ODAD3: variants seen among roughly 807,000 people sequenced by gnomAD.
ODAD3 encodes outer dynein arm-docking complex subunit 3.
ODAD3 carries 57 observed loss-of-function variants against 70.9 expected under a neutral mutation model. That is an observed-to-expected ratio of 0.80 (90% CI 0.65 to 1.00). The LOEUF (loss-of-function observed/expected upper bound fraction) is 1.00, where lower values mean the gene tolerates loss of function less well. ODAD3 is among the 50% of genes least tolerant of loss of function. ODAD3 has a pLI of 0.00. For missense variants in ODAD3, 797 were observed against 763.9 expected (o/e 1.04, Z -0.51); for synonymous variants, 327 against 315.9 (o/e 1.04, Z -0.37).
intron 3 of ODAD3, 151 bp from the exon 4 acceptor site, chr19:11,427,191 T>G: frequency 1.2e-6 from 1 of 827,088 alleles, no homozygotes. Context: ...TTCTGTGTTG[T>G]TTTTGTAGAG....
At chr19:11,423,306 G>A (rs1969185822) in intron 8 of ODAD3, among the ~76,000 whole-genome samples, 1 of 152,206 alleles carries the variant, frequency 6.6e-6, no homozygotes, top group African/African-American at 2.4e-5. Flanking sequence ...TGGGAGTCCC[G>A]GAAGTCATCA....
intron 3 of ODAD3, 31 bp from the exon 4 acceptor site, chr19:11,427,071 C>A: frequency 6.5e-7 from 1 of 1,532,750 alleles, no homozygotes; most frequent in Non-Finnish European, 8.7e-7. Flanking sequence ...AAAGCAGGAG[C>A]CTCAACACCC....
At chr19:11,425,192 C>CATATGTGTATGTGTACATATGTGTAT (rs1969285068) in intron 7 of ODAD3, among the ~76,000 whole-genome samples, 1 of 102,670 alleles carries the variant, frequency 9.7e-6, no homozygotes, top group African/African-American at 5.3e-5. Context: ...TGTATATATA[C>CATATGTGTATGTGTACATATGTGTAT]ATATGTGTAT....
At chr19:11,435,154 T>C, upstream of ODAD3, 1 of 1,438,760 alleles carries the variant, frequency 7.0e-7, no homozygotes, top group Non-Finnish European at 9.1e-7. Context: ...GCGCTCCGCA[T>C]CTCTCGGTTG....
In ODAD3 at chr19:11,420,670, T is replaced by C. The variant is rs1969108557; in HGVS notation, c.*165A>G. On this transcript the variant is annotated 3_prime_UTR_variant, in exon 13 of 13. Coordinates refer to ENST00000356392, the MANE Select transcript of ODAD3 (RefSeq NM_145045.5). ...CGGACCCAGCTGGGGAGATTTACTG[T>C]GGGAACGTCTGGCCCGGCCCCTTCC... 8.1e-6 allele frequency: 5 copies of C among 614,844 alleles called. No homozygotes were observed. Among genetic ancestry groups the C allele is most frequent in the South Asian group, 3.9e-5 (2 of 51,656 alleles). The allele number at this position is 614,844 out of a possible 1,614,324, so 38.1% of individuals were successfully genotyped here. A position where few individuals can be genotyped will look rare whatever the true frequency, so the allele number is the denominator to read the frequency against.
At chr19:11,428,813 T>C (rs1969440011) in intron 3 of ODAD3, among the ~76,000 whole-genome samples, 1 of 152,180 alleles carries the variant, frequency 6.6e-6, no homozygotes, top group South Asian at 2.1e-4. Context: ...CCTCCCAAAG[T>C]GCTGGTATTA....
intron 1 of ODAD3, among the ~76,000 whole-genome samples, chr19:11,431,549 G>A (rs910430583): frequency 6.6e-6 from 1 of 151,762 alleles, no homozygotes; most frequent in Non-Finnish European, 1.5e-5. Context: ...CTTGCACTTT[G>A]GGAGGTAGAG....
chr19:11,422,410 C>T lies in ODAD3; in HGVS notation c.1434+61G>A, dbSNP rs1969159302. The T allele has an allele frequency of 1.4e-6, 2 of 1,464,858 alleles. No individual in the cohort carries two copies. The highest frequency in any genetic ancestry group is 2.8e-5 in the African/African-American group (2 of 70,970). 90.7% of individuals were successfully genotyped at this position (1,464,858 alleles called of 1,614,324 possible). ...AGCTGGTGTGGCAGGAACCCCGCTT[C>T]GTGGCTGCGCCTCTGCGGTCCCAGG... On this transcript the variant is annotated intron_variant, in intron 10 of 12. Coordinates refer to ENST00000356392, the MANE Select transcript of ODAD3 (RefSeq NM_145045.5). The surrounding 1 kb of genome is among the most constrained non-coding windows in gnomAD (Gnocchi z 4.6).
chr19:11,426,350 G>A, intron 6 of ODAD3, 84 bp from the exon 7 acceptor site: 1 of 1,606,870 alleles, frequency 6.2e-7, no homozygotes, highest in Non-Finnish European at 8.5e-7. Context: ...ATGGGGGCGG[G>A]GGCGTAGGGG....
chr19:11,431,207 G>C (rs751319729), intron 1 of ODAD3, 187 bp from the exon 2 acceptor site: 6 of 649,618 alleles, frequency 9.2e-6, no homozygotes, highest in Non-Finnish European at 1.5e-5. Flanking sequence ...CGCCTCCCGG[G>C]TTCAAGAGAT....
At chr19:11,427,486 T>C (rs1294779550) in intron 3 of ODAD3, among the ~76,000 whole-genome samples, 5 of 142,566 alleles carry the variant, frequency 3.5e-5, no homozygotes, top group Non-Finnish European at 7.7e-5. Context: ...TTCTTTTCTT[T>C]TTTTTTTTTT....
chr19:11,433,183 G>A (rs935479814), intron 1 of ODAD3, among the ~76,000 whole-genome samples: 5 of 152,164 alleles, frequency 3.3e-5, no homozygotes, highest in Non-Finnish European at 5.9e-5. Context: ...CAACTGGGCC[G>A]AATAATTATT....
chr19:11,432,465 C>T (rs1014189242), intron 1 of ODAD3, among the ~76,000 whole-genome samples: 1 of 152,056 alleles, frequency 6.6e-6, no homozygotes, highest in Non-Finnish European at 1.5e-5. Context: ...AGGCTGGTCT[C>T]GAACTCCTGG....
At chr19:11,435,507 G>T, upstream of ODAD3, 1 of 428,228 alleles carries the variant, frequency 2.3e-6, no homozygotes, top group Non-Finnish European at 4.4e-6. Context: ...TCACAGTCCT[G>T]CCCAAGATGG....
chr19:11,425,287 A>ATATGTGTATATATGTG lies in ODAD3; in HGVS notation c.963+841_963+856dup, dbSNP rs1349024306. Among the ~76,000 whole-genome samples the ATATGTGTATATATGTG allele has an allele frequency of 5.7e-5, 8 of 139,696 alleles. 1 individual carries two copies. The highest frequency in any genetic ancestry group is 8.9e-5 in the African/African-American group (3 of 33,872). The allele number at this position is 139,696 out of a possible 152,430, so 91.6% of individuals were successfully genotyped here. A position where few individuals can be genotyped will look rare whatever the true frequency, so the allele number is the denominator to read the frequency against. ...TATGTGTATATGTGTGTATATGTAC[A>ATATGTGTATATATGTG]TATGTGTATATATGTGTATGTGTAC... On this transcript the variant is annotated intron_variant, in intron 7 of 12. Transcript: ENST00000356392.
chr19:11,429,712 G>A (rs1969463123), intron 3 of ODAD3, among the ~76,000 whole-genome samples: 1 of 147,570 alleles, frequency 6.8e-6, no homozygotes, highest in East Asian at 2.0e-4. Context: ...CCGGCCTTTT[G>A]TATTTTTAGT....
At chr19:11,432,347 C>T (rs541868466) in intron 1 of ODAD3, among the ~76,000 whole-genome samples, 43 of 152,294 alleles carry the variant, frequency 2.8e-4, no homozygotes, top group Non-Finnish European at 5.3e-4. Flanking sequence ...CTCCTGAGCT[C>T]AAGCAGTCCT....
Position 11,430,885 on chromosome 19 carries a change from C to T in ODAD3, c.366+14G>A, listed in dbSNP as rs1455200663. ...CCGCCACGGGAACCCTACACCCACC[C>T]CTTTGCCCCTTACCTTGAGCAGGTC... On this transcript the variant is annotated intron_variant, in intron 2 of 12. Transcript: ENST00000356392. 2 of 1,613,896 alleles carry T rather than the reference C, an allele frequency of 1.2e-6. No homozygotes were observed. Among genetic ancestry groups the T allele is most frequent in the African/African-American group, 1.3e-5 (1 of 74,892 alleles).
At position 11,430,721 on chromosome 19, in the gene ODAD3, T is replaced by C; in HGVS notation, c.422A>G (p.Tyr141Cys). The change falls in exon 3 of 13, where the codon TAC becomes TGC. Residue 141 changes from tyrosine (Y) to cysteine (C), a missense_variant. Physicochemically the swap from Tyr to Cys is radical, Grantham distance 194 (BLOSUM62 -2). Transcript: ENST00000356392. The part of the protein sequence containing the change: ...VIREWKWEKP[Y>C]LKNRTGQALE... ...AACCTGTCCTGTCCTGTTCTTCAGG[T>C]ATGGCTTCTCCCACTTCCATTCGCG... The C allele has an allele frequency of 6.2e-6, 10 of 1,614,038 alleles. No individual in the cohort carries two copies. Among genetic ancestry groups the C allele is most frequent in the Admixed American group, 1.7e-5 (1 of 59,978 alleles).
Sources: gnomAD v4.1 joint callset for allele counts (sites outside exome capture counted in the v4.1 genomes callset) on GRCh38, gnomAD v4.1.1 for gene constraint, Gnocchi (gnomAD v3.1) non-coding constraint, MANE v1.5 for transcripts, NCBI Gene and HGNC (gene_info 2026-07-23, HGNC 2026-07-21) for gene names.